DRC11: variants seen among roughly 807,000 people sequenced by gnomAD.
DRC11 encodes the protein dynein regulatory complex subunit 11.
the DRC11 span, among the ~76,000 whole-genome samples, chr2:236,451,317 A>T: frequency 1.4e-4 from 21 of 152,070 alleles, no homozygotes; most frequent in South Asian, 2.9e-3. Flanking sequence ...AAAAATATAT[A>T]AAAAAGTATA....
At chr2:236,463,553 T>A in the DRC11 span, among the ~76,000 whole-genome samples, 1 of 152,180 alleles carries the variant, frequency 6.6e-6, no homozygotes, top group African/African-American at 2.4e-5. The surrounding 1 kb of genome is among the most constrained non-coding windows in gnomAD (Gnocchi z 5.0). Flanking sequence ...CAAAAACATG[T>A]CATTGAAGCA....
the DRC11 span, among the ~76,000 whole-genome samples, chr2:236,504,201 G>T: frequency 7.9e-5 from 12 of 150,968 alleles, no homozygotes; most frequent in Non-Finnish European, 1.3e-4. This position sits in a 1 kb window ranked among gnomAD's most constrained non-coding sequence, Gnocchi z 5.0. Context: ...CACGGCGGTG[G>T]GGGGGGGCGT....
At chr2:236,449,539 C>T in the DRC11 span, among the ~76,000 whole-genome samples, 3,488 of 152,354 alleles carry the variant, frequency 0.023, 131 homozygotes, top group African/African-American at 0.079. The surrounding 1 kb of genome is among the most constrained non-coding windows in gnomAD (Gnocchi z 5.1). Flanking sequence ...TGGGACTCCC[C>T]TGGGGCAGAG....
At chr2:236,368,077 A>T in the DRC11 span, 294 of 723,160 alleles carry the variant, frequency 4.1e-4, 2 homozygotes, top group South Asian at 3.5e-3. Context: ...CAGAATTCTC[A>T]GTAGGAAAAG....
chr2:236,326,529 T>A, the DRC11 span, among the ~76,000 whole-genome samples: 1 of 152,210 alleles, frequency 6.6e-6, no homozygotes, highest in Non-Finnish European at 1.5e-5. Flanking sequence ...CTGATTGCCA[T>A]ATTTTTAATT....
chr2:236,314,465 T>G, the DRC11 span, among the ~76,000 whole-genome samples: 8 of 152,186 alleles, frequency 5.3e-5, no homozygotes, highest in Non-Finnish European at 1.2e-4. The surrounding 1 kb of genome is among the most constrained non-coding windows in gnomAD (Gnocchi z 4.5). Flanking sequence ...GCCAAGCCAG[T>G]GCAATAAAGC....
At chr2:236,478,480 T>G in the DRC11 span, among the ~76,000 whole-genome samples, 47 of 152,334 alleles carry the variant, frequency 3.1e-4, no homozygotes, top group South Asian at 1.7e-3. This position sits in a 1 kb window ranked among gnomAD's most constrained non-coding sequence, Gnocchi z 5.9. Context: ...GACTATTCCA[T>G]GTGCTGATGA....
At chr2:236,383,502 C>G in the DRC11 span, among the ~76,000 whole-genome samples, 180 of 152,024 alleles carry the variant, frequency 1.2e-3, no homozygotes, top group African/African-American at 4.0e-3. Flanking sequence ...ATATTCTCCT[C>G]TTGATCTAGT....
chr2:236,474,330 G>A, the DRC11 span, among the ~76,000 whole-genome samples: 1 of 152,126 alleles, frequency 6.6e-6, no homozygotes, highest in Non-Finnish European at 1.5e-5. Flanking sequence ...TTTGAGCTGA[G>A]TACATGTAAA....
At chr2:236,457,478 C>T in the DRC11 span, among the ~76,000 whole-genome samples, 15 of 152,308 alleles carry the variant, frequency 9.8e-5, no homozygotes, top group African/African-American at 3.4e-4. This position sits in a 1 kb window ranked among gnomAD's most constrained non-coding sequence, Gnocchi z 4.7. Context: ...TTATGGCGCT[C>T]ATCTCATAGA....
chr2:236,347,360 A>G, the DRC11 span, among the ~76,000 whole-genome samples: 1 of 152,000 alleles, frequency 6.6e-6, no homozygotes, highest in African/African-American at 2.4e-5. Context: ...TGATCCAGCA[A>G]TCCCACTACT....
the DRC11 span, among the ~76,000 whole-genome samples, chr2:236,400,225 C>A: frequency 6.6e-6 from 1 of 152,198 alleles, no homozygotes; most frequent in African/African-American, 2.4e-5. The surrounding 1 kb of genome is among the most constrained non-coding windows in gnomAD (Gnocchi z 7.9). Flanking sequence ...GGAGCTGCAG[C>A]CTGACTCTGG....
the DRC11 span, among the ~76,000 whole-genome samples, chr2:236,471,588 G>A: frequency 6.6e-6 from 1 of 152,156 alleles, no homozygotes; most frequent in Non-Finnish European, 1.5e-5. This position sits in a 1 kb window ranked among gnomAD's most constrained non-coding sequence, Gnocchi z 4.6. Context: ...TAACACTTAC[G>A]TAGTGCTTAC....
chr2:236,466,523 A>G, the DRC11 span, among the ~76,000 whole-genome samples: 1 of 152,222 alleles, frequency 6.6e-6, no homozygotes, highest in African/African-American at 2.4e-5. Context: ...CTGTATGAGA[A>G]GCATGGTGCC....
chr2:236,345,273 C>G, the DRC11 span, among the ~76,000 whole-genome samples: 35 of 152,298 alleles, frequency 2.3e-4, no homozygotes, highest in African/African-American at 7.5e-4. Flanking sequence ...GCAGCTACAA[C>G]CTGCCCCACC....
the DRC11 span, among the ~76,000 whole-genome samples, chr2:236,337,050 C>A: frequency 6.6e-6 from 1 of 152,116 alleles, no homozygotes; most frequent in African/African-American, 2.4e-5. The surrounding 1 kb of genome is among the most constrained non-coding windows in gnomAD (Gnocchi z 4.9). Context: ...TGCAGCCTGT[C>A]CGGTCGACAT....
the DRC11 span, among the ~76,000 whole-genome samples, chr2:236,418,262 C>T: frequency 6.6e-6 from 1 of 152,166 alleles, no homozygotes; most frequent in South Asian, 2.1e-4. Flanking sequence ...TTAATAATCA[C>T]CATTCTAATT....
chr2:236,451,571 T>A, the DRC11 span, among the ~76,000 whole-genome samples: 1 of 152,190 alleles, frequency 6.6e-6, no homozygotes, highest in African/African-American at 2.4e-5. Flanking sequence ...TTAAAAATTT[T>A]AAAAATAAGA....
At chr2:236,358,168 A>T in the DRC11 span, among the ~76,000 whole-genome samples, 3 of 122,238 alleles carry the variant, frequency 2.5e-5, no homozygotes, top group African/African-American at 9.9e-5. Flanking sequence ...ATATGAATAT[A>T]TAATATATAT....
Sources: gnomAD v4.1 joint callset for allele counts (sites outside exome capture counted in the v4.1 genomes callset) on GRCh38, gnomAD v4.1.1 for gene constraint, Gnocchi (gnomAD v3.1) non-coding constraint, MANE v1.5 for transcripts, NCBI Gene and HGNC (gene_info 2026-07-23, HGNC 2026-07-21) for gene names.